The following EPB41L1 variants were observed in gnomAD, a reference collection of about 807,000 sequenced individuals.
EPB41L1 encodes erythrocyte membrane protein band 4.1 like 1.
In EPB41L1, 29 loss-of-function variants were observed where a neutral mutation model predicts 97.8. The ratio of observed to expected loss-of-function variants is 0.30; its 90% confidence interval spans 0.22 to 0.40. The LOEUF is 0.40. EPB41L1 is among the 10% of genes least tolerant of loss of function. The pLI is 1.00. For synonymous variants in EPB41L1, 383 were observed against 459.2 expected (o/e 0.83, Z 2.12); for missense variants, 812 against 1,162.3 (o/e 0.70, Z 4.38).
At chr20:36,198,621 C>T (rs1007971218) in intron 14 of EPB41L1, among the ~76,000 whole-genome samples, 7 of 152,258 alleles carry the variant, frequency 4.6e-5, no homozygotes, top group East Asian at 3.9e-4. Context: ...CCTGCCTTTC[C>T]GAGTGGAAAG....
intron 17 of EPB41L1, 107 bp downstream of exon 17, chr20:36,214,547 C>A: frequency 1.1e-6 from 1 of 884,510 alleles, no homozygotes; most frequent in Non-Finnish European, 1.8e-6. Context: ...TGTGAGCTGC[C>A]CTCGCTGCAT....
intron 14 of EPB41L1, among the ~76,000 whole-genome samples, chr20:36,205,142 G>C (rs2062728649): frequency 2.0e-5 from 3 of 152,184 alleles, no homozygotes; most frequent in Admixed American, 2.0e-4. Context: ...TGGTCATGTG[G>C]TATCTCCATG....
chr20:36,207,687 T>A lies in EPB41L1; in HGVS notation c.1669-1801T>A. The A allele has an allele frequency of 7.8e-7, 1 of 1,290,094 alleles. No individual in the cohort carries two copies. Among genetic ancestry groups the A allele is most frequent in the South Asian group, 1.2e-5 (1 of 81,032 alleles). The allele number at this position is 1,290,094 out of a possible 1,614,324, so 79.9% of individuals were successfully genotyped here. On this transcript the variant is annotated intron_variant, in intron 14 of 21. Coordinates refer to ENST00000338074, the MANE Select transcript of EPB41L1 (RefSeq NM_012156.2). This position sits in a 1 kb window ranked among gnomAD's most constrained non-coding sequence, Gnocchi z 4.9. ...CTACCAGACACTTCAGGGAGGACAC[T>A]TCTGCATCCTACCAGGAAGCACACA...
At chr20:36,140,429 C>A (rs2059596449) in intron 2 of EPB41L1, among the ~76,000 whole-genome samples, 1 of 152,036 alleles carries the variant, frequency 6.6e-6, no homozygotes, top group South Asian at 2.1e-4. Flanking sequence ...ATGTCAGACA[C>A]AATTGTTTTT....
At chr20:36,121,662 C>T (rs775250503) in intron 2 of EPB41L1, 2 of 152,094 alleles carry the variant, frequency 1.3e-5, no homozygotes, top group Non-Finnish European at 2.9e-5. Flanking sequence ...TCTCACAGGC[C>T]CTGGAAGTGA....
intron 2 of EPB41L1, among the ~76,000 whole-genome samples, chr20:36,126,384 G>A (rs1352867582): frequency 1.5e-5 from 1 of 66,524 alleles, no homozygotes; most frequent in Non-Finnish European, 3.0e-5. Context: ...TTTTTTTTTT[G>A]AGACAGAGTT....
intron 17 of EPB41L1, among the ~76,000 whole-genome samples, chr20:36,217,845 C>G (rs1420621380): frequency 6.6e-6 from 1 of 152,042 alleles, no homozygotes; most frequent in African/African-American, 2.4e-5. Flanking sequence ...TCACCTGTCC[C>G]TTGGTAGGCA....
At chr20:36,172,672 C>T (rs927392197) in intron 1 of EPB41L1, among the ~76,000 whole-genome samples, 5 of 152,188 alleles carry the variant, frequency 3.3e-5, no homozygotes, top group African/African-American at 1.2e-4. Flanking sequence ...GCAATCTCAG[C>T]TTACTGCAAC....
chr20:36,112,689 A>G (rs953106364), intron 2 of EPB41L1, among the ~76,000 whole-genome samples: 1 of 152,180 alleles, frequency 6.6e-6, no homozygotes, highest in African/African-American at 2.4e-5. Context: ...TAGGGGCTGA[A>G]ATGCATATTC....
chr20:36,132,694 G>A (rs984854738), intron 2 of EPB41L1, among the ~76,000 whole-genome samples: 2 of 151,486 alleles, frequency 1.3e-5, no homozygotes, highest in East Asian at 3.9e-4. Flanking sequence ...GGGCTTGGGG[G>A]TCCAGGCCTG....
In EPB41L1 at chr20:36,092,783, C is replaced by A; in HGVS notation, c.-65+1171C>A. 6.5e-6 allele frequency: 1 copy of A among 152,840 alleles called. No individual in the cohort carries two copies. The highest frequency in any genetic ancestry group is 1.9e-4 in the South Asian group (1 of 5,356). The allele number at this position is 152,840 out of a possible 1,614,324, so 9.5% of individuals were successfully genotyped here. ...CCGGACACCAGGACCGCGAGCCAGACAGCTCCCGGAAGCCGCGCCGCCGCC... is the reference window on the plus strand; with the variant it reads ...CCGGACACCAGGACCGCGAGCCAGAAAGCTCCCGGAAGCCGCGCCGCCGCC... On this transcript the variant is annotated intron_variant, in intron 1 of 19. Coordinates refer to the EPB41L1 transcript ENST00000202028. The surrounding 1 kb of genome is among the most constrained non-coding windows in gnomAD (Gnocchi z 7.0).
At chr20:36,208,751 G>A (rs568110401) in intron 14 of EPB41L1, among the ~76,000 whole-genome samples, 2 of 152,306 alleles carry the variant, frequency 1.3e-5, no homozygotes, top group Admixed American at 1.3e-4. Context: ...AGGTATGTAT[G>A]TCGGACAAGA....
intron 5 of EPB41L1, 32 bp from the exon 6 acceptor site, chr20:36,182,240 G>A (rs1036986708): frequency 1.2e-6 from 2 of 1,606,544 alleles, no homozygotes; most frequent in Admixed American, 1.7e-5. Flanking sequence ...GGGTGTTAGG[G>A]CCTCGCTGAT....
chr20:36,204,057 A>G (rs2062654407), intron 14 of EPB41L1, among the ~76,000 whole-genome samples: 1 of 152,148 alleles, frequency 6.6e-6, no homozygotes, highest in Non-Finnish European at 1.5e-5. Flanking sequence ...GGAGGTGGTC[A>G]TGGTAGGGTG....
intron 5 of EPB41L1, among the ~76,000 whole-genome samples, chr20:36,179,633 G>A (rs1335508449): frequency 1.3e-5 from 2 of 152,222 alleles, no homozygotes; most frequent in Admixed American, 6.5e-5. Context: ...GAGACCTGGC[G>A]CCTCGAGGCA....
At chr20:36,158,972 C>T (rs1263925004) in intron 1 of EPB41L1, among the ~76,000 whole-genome samples, 1 of 152,146 alleles carries the variant, frequency 6.6e-6, no homozygotes, top group Non-Finnish European at 1.5e-5. Context: ...TTTTGGCAAC[C>T]GTATGATCCA....
chr20:36,209,424 G>C lies in EPB41L1; in HGVS notation c.1669-64G>C. 3 of 1,555,996 alleles carry C rather than the reference G, an allele frequency of 1.9e-6. No homozygotes were observed. The South Asian group carries it at 3.6e-5, about 19-fold the overall frequency. On this transcript the variant is annotated intron_variant, in intron 14 of 21. Transcript: ENST00000338074. The surrounding 1 kb of genome is among the most constrained non-coding windows in gnomAD (Gnocchi z 4.2). ...GATTTCTCCTGACATTCACCATCTT[G>C]ATTTCTCTTTCTCTCTCTCTCCCCA...
chr20:36,105,528 A>AT (rs2058162289), intron 1 of EPB41L1, among the ~76,000 whole-genome samples: 2 of 152,110 alleles, frequency 1.3e-5, no homozygotes, highest in Admixed American at 6.5e-5. Context: ...GATGAAAAAT[A>AT]TTTATTGAGC....
upstream of EPB41L1, chr20:36,154,622 C>G (rs1455367576): frequency 1.1e-6 from 1 of 931,442 alleles, no homozygotes; most frequent in African/African-American, 1.8e-5. This position sits in a 1 kb window ranked among gnomAD's most constrained non-coding sequence, Gnocchi z 5.5. Context: ...CTGGGCTGGG[C>G]TCCGAGGCCG....
Sources: gnomAD v4.1 joint callset for allele counts (sites outside exome capture counted in the v4.1 genomes callset) on GRCh38, gnomAD v4.1.1 for gene constraint, Gnocchi (gnomAD v3.1) non-coding constraint, MANE v1.5 for transcripts, NCBI Gene and HGNC (gene_info 2026-07-23, HGNC 2026-07-21) for gene names.